PRMT1: variants seen among roughly 807,000 people sequenced by gnomAD.
PRMT1 encodes protein arginine methyltransferase 1.
PRMT1 carries 5 observed loss-of-function variants against 47.4 expected under a neutral mutation model. The ratio of observed to expected loss-of-function variants is 0.11; its 90% confidence interval spans 0.06 to 0.22. The LOEUF (loss-of-function observed/expected upper bound fraction) is 0.22, where lower values mean the gene tolerates loss of function less well. Among genes scored for constraint, PRMT1 ranks in the 10% least tolerant of loss-of-function variants. The pLI is 1.00. For synonymous variants in PRMT1, 227 were observed against 204.6 expected, an observed-to-expected ratio of 1.11 and a Z score of -0.94; for missense variants, 249 against 518.4, an observed-to-expected ratio of 0.48 and a Z score of 5.05.
chr19:49,684,175 A>C lies in PRMT1; in HGVS notation c.555+106A>C, dbSNP rs994933777. The C allele has an allele frequency of 1.1e-5, 16 of 1,467,128 alleles. No individual in the cohort carries two copies. The African/African-American group carries it at 2.1e-4, about 19-fold the overall frequency. 90.9% of individuals were successfully genotyped at this position (1,467,128 alleles called of 1,614,324 possible). A position where few individuals can be genotyped will look rare whatever the true frequency, so the allele number is the denominator to read the frequency against. ...CAGACGGGACTTACTGTGGGGGCTTAGCTGCAAGGTGTTAGAAAGCCACAG... is the reference window on the plus strand; with the variant it reads ...CAGACGGGACTTACTGTGGGGGCTTCGCTGCAAGGTGTTAGAAAGCCACAG... On this transcript the variant is annotated intron_variant, in intron 6 of 10. Coordinates refer to ENST00000454376, the MANE Select transcript of PRMT1 (RefSeq NM_001536.6). This position sits in a 1 kb window ranked among gnomAD's most constrained non-coding sequence, Gnocchi z 6.2.
chr19:49,680,048 GC>G lies in PRMT1; in HGVS notation c.90+128del. On this transcript the variant is annotated intron_variant, in intron 2 of 10. Coordinates refer to ENST00000454376, the MANE Select transcript of PRMT1 (RefSeq NM_001536.6). The surrounding 1 kb of genome is among the most constrained non-coding windows in gnomAD (Gnocchi z 4.2). ...CTTGCTTCAAACCAGTTTACCCCAG[GC>G]CCCCAGACACTTAGTAGCAACCCCT... 5 of 1,206,130 alleles carry G rather than the reference GC, an allele frequency of 4.1e-6. No homozygotes were observed. The highest frequency in any genetic ancestry group is 1.5e-5 in the African/African-American group (1 of 66,002). 74.7% of individuals were successfully genotyped at this position (1,206,130 alleles called of 1,614,324 possible).
chr19:49,679,249 C>T (rs145916290), intron 1 of PRMT1, among the ~76,000 whole-genome samples: 1 of 152,238 alleles, frequency 6.6e-6, no homozygotes, highest in Non-Finnish European at 1.5e-5. Flanking sequence ...TGGGACCCTA[C>T]CTTCGTGGGC....
Position 49,686,785 on chromosome 19 carries a change from G to C in PRMT1, c.1032+59G>C, listed in dbSNP as rs566153149. 187 of 1,082,914 alleles carry C rather than the reference G, an allele frequency of 1.7e-4. 2 individuals are homozygous for C. The African/African-American group carries it at 2.2e-3, about 13-fold the overall frequency. 67.1% of individuals were successfully genotyped at this position (1,082,914 alleles called of 1,614,324 possible). ...AGCTAGGGCGGGGAGTGTAGATTGG[G>C]GGGGGAGTGGTGGGGGAGGAATGGT... On this transcript the variant is annotated intron_variant, in intron 10 of 10. Transcript: ENST00000454376.
rs780187866 is a variant in PRMT1 at position 49,688,269 on chromosome 19, G to A, written c.*24G>A. 1.4e-5 allele frequency: 22 copies of A among 1,610,516 alleles called. No individual in the cohort carries two copies. The South Asian group carries it at 2.1e-4, about 15-fold the overall frequency. ...GAGGCCCGGCTCTCCCGCCCTGCAC[G>A]AGCCCAGGGGCTGAGCGTTCCTAGG... On this transcript the variant is annotated 3_prime_UTR_variant, in exon 11 of 11. Coordinates refer to ENST00000454376, the MANE Select transcript of PRMT1 (RefSeq NM_001536.6). This position sits in a 1 kb window ranked among gnomAD's most constrained non-coding sequence, Gnocchi z 5.3.
At chr19:49,679,725 T>A in intron 1 of PRMT1, 147 bp from the exon 2 acceptor site, 11 of 617,272 alleles carry the variant, frequency 1.8e-5, no homozygotes, top group East Asian at 3.1e-5. Flanking sequence ...ACACCCCACC[T>A]CATTACTTGC....
chr19:49,686,039 G>A, intron 8 of PRMT1, 54 bp from the exon 9 acceptor site: 3 of 1,575,494 alleles, frequency 1.9e-6, no homozygotes, highest in Admixed American at 1.7e-5. Context: ...GAGGGAGGAG[G>A]GGATGAAGCG....
At chr19:49,679,412 CAG>C (rs1269426373) in intron 1 of PRMT1, among the ~76,000 whole-genome samples, 37 of 152,178 alleles carry the variant, frequency 2.4e-4, no homozygotes, top group Admixed American at 2.4e-3. Context: ...GACTGGTTTG[CAG>C]AGGTGGCAGA....
In PRMT1 at chr19:49,685,245, G is replaced by A. The variant is rs1432918180; in HGVS notation, c.759+208G>A. 6.7e-7 allele frequency: 1 copy of A among 1,488,108 alleles called. No homozygotes were observed. The highest frequency in any genetic ancestry group is 2.2e-5 in the Admixed American group (1 of 46,196). 92.2% of individuals were successfully genotyped at this position (1,488,108 alleles called of 1,614,324 possible). A position where few individuals can be genotyped will look rare whatever the true frequency, so the allele number is the denominator to read the frequency against. ...CGCTGCTGTGTGAGAACCATGCTTG[G>A]CACTTGGCTTCTGGCGGAGGAAACA... On this transcript the variant is annotated intron_variant, in intron 8 of 10. Transcript: ENST00000454376. The surrounding 1 kb of genome is among the most constrained non-coding windows in gnomAD (Gnocchi z 4.7).
Position 49,684,222 on chromosome 19 carries a change from C to T in PRMT1, c.555+153C>T, listed in dbSNP as rs953734260. 6.6e-6 allele frequency among the ~76,000 whole-genome samples: 1 copy of T among 151,942 alleles called. No homozygotes were observed. Among genetic ancestry groups the T allele is most frequent in the African/African-American group, 2.4e-5 (1 of 41,350 alleles). ...ACAGCCCAAGCCAGGTGTGACAGAC[C>T]CTGGAGGGAGATGGTGCGATGTGGG... On this transcript the variant is annotated intron_variant, in intron 6 of 10. Transcript: ENST00000454376. The surrounding 1 kb of genome is among the most constrained non-coding windows in gnomAD (Gnocchi z 6.2).
chr19:49,683,836 A>C, intron 5 of PRMT1, 91 bp from the exon 6 acceptor site: 2 of 1,452,768 alleles, frequency 1.4e-6, no homozygotes, highest in Non-Finnish European at 1.9e-6. Context: ...CTCTGAACTG[A>C]AGTGGGGTCC....
In PRMT1 at chr19:49,688,330, C is replaced by A; in HGVS notation, c.*85C>A. The A allele has an allele frequency of 7.4e-7, 1 of 1,355,640 alleles. No individual in the cohort carries two copies. Among genetic ancestry groups the A allele is most frequent in the African/African-American group, 1.4e-5 (1 of 69,870 alleles). 84.0% of individuals were successfully genotyped at this position (1,355,640 alleles called of 1,614,324 possible). A position where few individuals can be genotyped will look rare whatever the true frequency, so the allele number is the denominator to read the frequency against. ...GCTCCCCCTTCCTCTCCCTCCCTCC[C>A]GCAGAAGGGGGTTTTAGGGGCCTGG... is the stretch of plus-strand genomic sequence containing the variant. On this transcript the variant is annotated 3_prime_UTR_variant, in exon 11 of 11. Coordinates refer to ENST00000454376, the MANE Select transcript of PRMT1 (RefSeq NM_001536.6). The surrounding 1 kb of genome is among the most constrained non-coding windows in gnomAD (Gnocchi z 5.3).
At chr19:49,682,779 ATTTTTTTTTTTTT>A (rs58218406) in intron 5 of PRMT1, among the ~76,000 whole-genome samples, 1,975 of 71,220 alleles carry the variant, frequency 0.028, 139 homozygotes, top group Admixed American at 0.21. Context: ...CATCCCCAGC[ATTTTTTTTTTTTT>A]TTTTTTTTTT....
At chr19:49,677,754 A>T (rs2122923776) in intron 1 of PRMT1, among the ~76,000 whole-genome samples, 1 of 151,862 alleles carries the variant, frequency 6.6e-6, no homozygotes, top group Non-Finnish European at 1.5e-5. Flanking sequence ...ACCTGGGCAC[A>T]CGCCGTGGGG....
At position 49,685,356 on chromosome 19, in the gene PRMT1, A is replaced by G; in HGVS notation, c.759+319A>G. 1 of 1,279,702 alleles carries G rather than the reference A, an allele frequency of 7.8e-7. No individual in the cohort carries two copies. The highest frequency in any genetic ancestry group is 1.5e-5 in the South Asian group (1 of 64,792). The allele number at this position is 1,279,702 out of a possible 1,614,324, so 79.3% of individuals were successfully genotyped here. On this transcript the variant is annotated intron_variant, in intron 8 of 10. Coordinates refer to ENST00000454376, the MANE Select transcript of PRMT1 (RefSeq NM_001536.6). The surrounding 1 kb of genome is among the most constrained non-coding windows in gnomAD (Gnocchi z 4.7). ...GAGCGGATGCACATGCACGCGGGCC[A>G]CTGCAGAAGAGCACGGGGCCAGGCT...
chr19:49,687,351 G>A (rs1160427751), intron 10 of PRMT1, among the ~76,000 whole-genome samples: 1 of 152,054 alleles, frequency 6.6e-6, no homozygotes, highest in African/African-American at 2.4e-5. Flanking sequence ...CTTGGAGCCT[G>A]GAGTCGCCGG....
At chr19:49,686,558 T>TGG (rs373572931) in intron 9 of PRMT1, 47 bp from the exon 10 acceptor site, 22 of 638,260 alleles carry the variant, frequency 3.4e-5, no homozygotes, top group African/African-American at 8.2e-5. Context: ...AGGGTGGGGT[T>TGG]GGGGGGGGCA....
intron 1 of PRMT1, 193 bp from the exon 2 acceptor site, chr19:49,679,679 C>G: frequency 1.5e-6 from 1 of 673,776 alleles, no homozygotes; most frequent in Non-Finnish European, 2.7e-6. Flanking sequence ...GGAGACCCCC[C>G]TTTCTTCTCC....
intron 5 of PRMT1, among the ~76,000 whole-genome samples, chr19:49,683,022 G>A (rs148581006): frequency 0.014 from 2,128 of 151,268 alleles, 24 homozygotes; most frequent in Middle Eastern, 0.031. Flanking sequence ...TCCTGACCTC[G>A]TGATCTGCCT....
Position 49,680,414 on chromosome 19 carries a change from T to C in PRMT1, c.91-73T>C. On this transcript the variant is annotated intron_variant, in intron 2 of 10. Transcript: ENST00000454376. The surrounding 1 kb of genome is among the most constrained non-coding windows in gnomAD (Gnocchi z 4.2). Reference sequence around the variant, plus strand: ...TTCTATACTACTCTTCAGGGAAAAGTAGGGCGCTGGAGGTTTAAGAGGCTG... The same window carrying C: ...TTCTATACTACTCTTCAGGGAAAAGCAGGGCGCTGGAGGTTTAAGAGGCTG... 7.7e-7 allele frequency: 1 copy of C among 1,298,330 alleles called. No individual in the cohort carries two copies. The highest frequency in any genetic ancestry group is 1.1e-6 in the Non-Finnish European group (1 of 895,168). The allele number at this position is 1,298,330 out of a possible 1,614,324, so 80.4% of individuals were successfully genotyped here.
Sources: allele counts gnomAD v4.1 joint callset (sites outside exome capture counted in the v4.1 genomes callset), GRCh38; gene constraint gnomAD v4.1.1; non-coding constraint Gnocchi (gnomAD v3.1); transcripts MANE v1.5; gene names NCBI Gene and HGNC (gene_info 2026-07-23, HGNC 2026-07-21).